Variants in ZBTB41 observed in about 807,000 individuals in gnomAD.
The protein encoded by ZBTB41 is zinc finger and BTB domain containing 41, also known as zinc finger and BTB domain-containing protein 41.
In ZBTB41, 42 loss-of-function variants were observed where a neutral mutation model predicts 87.6. The ratio of observed to expected loss-of-function variants is 0.48; its 90% confidence interval spans 0.37 to 0.62. The LOEUF (loss-of-function observed/expected upper bound fraction) is 0.62. Ranked by LOEUF, ZBTB41 falls within the 20% of genes least tolerant of loss-of-function variation. The pLI is 0.00. For synonymous variants in ZBTB41, 364 were observed against 364.0 expected, an observed-to-expected ratio of 1.00 and a Z score of 0.00; for missense variants, 799 against 1,078.9, an observed-to-expected ratio of 0.74 and a Z score of 3.63.
Position 197,200,334 on chromosome 1 carries a change from G to C in ZBTB41, c.140C>G (p.Ala47Gly). 3 of 1,614,190 alleles carry C rather than the reference G, an allele frequency of 1.9e-6. No homozygotes were observed. Among genetic ancestry groups the C allele is most frequent in the Non-Finnish European group, 2.5e-6 (3 of 1,180,024 alleles). Residue 47 changes from alanine (A) to glycine (G), a missense_variant, in exon 2 of 11, where the codon GCT (alanine) becomes GGT (glycine). Around this residue, in one of 5 missense-constraint regions of ZBTB41, gnomAD observed 77 missense variants for 68.4 expected, o/e 1.13. Coordinates refer to ENST00000367405, the MANE Select transcript of ZBTB41 (RefSeq NM_194314.3). ...THSAGRPTPEALHCYQELPPS... is the reference protein window; with the variant it reads ...THSAGRPTPEGLHCYQELPPS... ...AGGAAGTTCCTGGTAACAGTGAAGA[G>C]CTTCAGGAGTTGGTCTTCCTGCAGA...
intron 5 of ZBTB41, among the ~76,000 whole-genome samples, chr1:197,185,590 A>C (rs1386939675): frequency 6.6e-6 from 1 of 151,170 alleles, no homozygotes; most frequent in Non-Finnish European, 1.5e-5. Flanking sequence ...CACATTTGTC[A>C]CCAAAAAAAA....
chr1:197,168,781 G>T (rs1659409070), intron 10 of ZBTB41, among the ~76,000 whole-genome samples: 1 of 152,016 alleles, frequency 6.6e-6, no homozygotes, highest in African/African-American at 2.4e-5. Flanking sequence ...CAAAACCTTT[G>T]TTCATCAAAA....
At chr1:197,188,226 G>T (rs901629209) in intron 5 of ZBTB41, 66 bp downstream of exon 5, 3 of 1,550,424 alleles carry the variant, frequency 1.9e-6, no homozygotes, top group South Asian at 1.2e-5. Context: ...GCTATAGAAG[G>T]CTCCTCCAGC....
At chr1:197,174,227 A>C (rs563150701) in intron 9 of ZBTB41, among the ~76,000 whole-genome samples, 139 of 152,242 alleles carry the variant, frequency 9.1e-4, no homozygotes, top group Non-Finnish European at 1.5e-3. Flanking sequence ...CAGAGATGTC[A>C]GTAAAAAAAG....
intron 10 of ZBTB41, among the ~76,000 whole-genome samples, chr1:197,161,904 G>C (rs1252218083): frequency 6.6e-6 from 1 of 151,764 alleles, no homozygotes; most frequent in African/African-American, 2.4e-5. Context: ...AAGAAGCACA[G>C]AGTCTACTTT....
rs952481519 is a variant in ZBTB41, at chr1:197,161,127, C to CT, written c.2075-1114dup. Among the ~76,000 whole-genome samples, 5 of 152,202 alleles carry CT rather than the reference C, an allele frequency of 3.3e-5. No homozygotes were observed. The South Asian group carries it at 6.2e-4, about 19-fold the overall frequency. ...ATAGCCCCTGGAAAGAAATACAGCT[C>CT]TACCAAACACTTAGATTTCAGCTTG... On this transcript the variant is annotated intron_variant, in intron 10 of 10. Coordinates refer to ENST00000367405, the MANE Select transcript of ZBTB41 (RefSeq NM_194314.3).
At position 197,176,599 on chromosome 1, in the gene ZBTB41, T is replaced by C. The variant is rs755489828; in HGVS notation, c.1844A>G (p.His615Arg). The C allele has an allele frequency of 6.2e-7, 1 of 1,612,294 alleles. No individual in the cohort carries two copies. The highest frequency in any genetic ancestry group is 8.5e-7 in the Non-Finnish European group (1 of 1,179,116). Residue 615 changes from histidine (H) to arginine (R), a missense_variant, in exon 8 of 11, where the codon CAT becomes CGT. Physicochemically the swap from His to Arg is conservative, Grantham distance 29. This residue lies in a region of ZBTB41 where 198 missense variants were observed against 358.4 expected (regional missense o/e 0.55). Coordinates refer to ENST00000367405, the MANE Select transcript of ZBTB41 (RefSeq NM_194314.3). Reference sequence around the variant, plus strand: ...TTTTTTGTGCTTTGTAAGGTGATCATGACGGATAAATGTTTTTCCACATTC... The same window carrying C: ...TTTTTTGTGCTTTGTAAGGTGATCACGACGGATAAATGTTTTTCCACATTC... ...CDECGKTFIR[H>R]DHLTKHKKIH...
At position 197,199,955 on chromosome 1, in the gene ZBTB41, C is replaced by T; in HGVS notation, c.519G>A (p.Leu173=). 1 of 1,613,308 alleles carries T rather than the reference C, an allele frequency of 6.2e-7. No individual in the cohort carries two copies. Among genetic ancestry groups the T allele is most frequent in the South Asian group, 1.1e-5 (1 of 90,944 alleles). ...KFLDIIDAVK[L]LNNENVAPFH... ...AAGGGGCAACATTTTCGTTATTTAA[C>T]AACTTCACTGCATCTATAATGTCCA... The change falls in exon 2 of 11, where the codon TTG becomes TTA. Residue 173 remains leucine, a synonymous_variant. Transcript: ENST00000367405.
In ZBTB41 at chr1:197,159,120, G is replaced by T; in HGVS notation, c.*239C>A. 1 of 429,648 alleles carries T rather than the reference G, an allele frequency of 2.3e-6. No individual in the cohort carries two copies. The highest frequency in any genetic ancestry group is 4.0e-5 in the Admixed American group (1 of 24,766). 26.6% of individuals were successfully genotyped at this position (429,648 alleles called of 1,614,324 possible). A position where few individuals can be genotyped will look rare whatever the true frequency, so the allele number is the denominator to read the frequency against. Reference sequence around the variant, plus strand: ...CAAAAAATTTAAGAAACCATTAAAAGTTAGCACTAAATAATCTTTAAAAAT... The same window carrying T: ...CAAAAAATTTAAGAAACCATTAAAATTTAGCACTAAATAATCTTTAAAAAT... On this transcript the variant is annotated 3_prime_UTR_variant, in exon 11 of 11. Transcript: ENST00000367405.
intron 5 of ZBTB41, among the ~76,000 whole-genome samples, chr1:197,182,555 G>A (rs536164110): frequency 1.2e-4 from 18 of 152,162 alleles, no homozygotes; most frequent in Admixed American, 9.2e-4. Flanking sequence ...GATTACAGAC[G>A]TGAGTCACCA....
At chr1:197,163,252 T>G (rs994429392) in intron 10 of ZBTB41, among the ~76,000 whole-genome samples, 7 of 152,170 alleles carry the variant, frequency 4.6e-5, no homozygotes, top group African/African-American at 1.7e-4. Context: ...TTCAAGGGCT[T>G]CTGTAATTTT....
intron 10 of ZBTB41, among the ~76,000 whole-genome samples, chr1:197,161,612 G>GAAAT (rs112404757): frequency 6.6e-6 from 1 of 151,500 alleles, no homozygotes; most frequent in Non-Finnish European, 1.5e-5. Context: ...AGTGAGACAT[G>GAAAT]AATACATTAT....
At chr1:197,179,491 T>A (rs981852023) in intron 6 of ZBTB41, among the ~76,000 whole-genome samples, 1 of 152,036 alleles carries the variant, frequency 6.6e-6, no homozygotes, top group Non-Finnish European at 1.5e-5. Flanking sequence ...ATACTTTTTA[T>A]CATGATTTAG....
chr1:197,196,674 T>C (rs935993011), intron 2 of ZBTB41, among the ~76,000 whole-genome samples: 2 of 152,208 alleles, frequency 1.3e-5, no homozygotes, highest in East Asian at 1.9e-4. Context: ...GTCCAAAGTA[T>C]ACACCTCTGT....
At position 197,155,631 on chromosome 1, in the gene ZBTB41, C is replaced by G. The variant is rs1320686695; in HGVS notation, c.*3728G>C. On this transcript the variant is annotated 3_prime_UTR_variant, in exon 11 of 11. Transcript: ENST00000367405. ...GTTTGCAATTATATTGAAAAGCAAC[C>G]AATGATAATTACTTATTAACCCTTA... The G allele has an allele frequency of 1.3e-5, 2 of 152,230 alleles. No individual in the cohort carries two copies. Among genetic ancestry groups the G allele is most frequent in the Non-Finnish European group, 2.9e-5 (2 of 67,798 alleles). The allele number at this position is 152,230 out of a possible 1,614,324, so 9.4% of individuals were successfully genotyped here. A position where few individuals can be genotyped will look rare whatever the true frequency, so the allele number is the denominator to read the frequency against.
chr1:197,199,738 T>C lies in ZBTB41; in HGVS notation c.736A>G (p.Arg246Gly), dbSNP rs1052637464. ...GKKHGLKMLERSFSARRSKRN... is the reference protein window; with the variant it reads ...GKKHGLKMLEGSFSARRSKRN... ...TTTGATCTTCTTGCGGAGAAACTTCTCTCCAGCATTTTTAACCCATGTTTT... is the reference window on the plus strand; with the variant it reads ...TTTGATCTTCTTGCGGAGAAACTTCCCTCCAGCATTTTTAACCCATGTTTT... Residue 246 changes from arginine (R) to glycine (G), a missense_variant, in exon 2 of 11, where the codon AGA becomes GGA. This residue lies in a region of ZBTB41 where 294 missense variants were observed against 340.1 expected (regional missense o/e 0.86). Coordinates refer to ENST00000367405, the MANE Select transcript of ZBTB41 (RefSeq NM_194314.3). 6.2e-7 allele frequency: 1 copy of C among 1,613,434 alleles called. No homozygotes were observed. The highest frequency in any genetic ancestry group is 8.5e-7 in the Non-Finnish European group (1 of 1,179,888).
intron 9 of ZBTB41, among the ~76,000 whole-genome samples, chr1:197,172,964 A>G (rs1310341415): frequency 1.3e-5 from 2 of 152,174 alleles, no homozygotes. Context: ...ATAGACAGAA[A>G]TAAAGCAATA....
At chr1:197,161,112 G>A (rs1188732457) in intron 10 of ZBTB41, among the ~76,000 whole-genome samples, 1 of 152,060 alleles carries the variant, frequency 6.6e-6, no homozygotes, top group East Asian at 1.9e-4. Context: ...ATAGCCCCTG[G>A]AAAGAAATAC....
chr1:197,170,406 T>C (rs1236683721), intron 10 of ZBTB41, among the ~76,000 whole-genome samples: 3 of 152,004 alleles, frequency 2.0e-5, no homozygotes, highest in Non-Finnish European at 4.4e-5. Context: ...TTGGCAATTT[T>C]CCTTCTGATT....
Sources: gnomAD v4.1 joint callset for allele counts (sites outside exome capture counted in the v4.1 genomes callset) on GRCh38, gnomAD v4.1.1 for gene constraint, gnomAD v4.1.1 regional missense constraint, MANE v1.5 for transcripts, NCBI Gene and HGNC (gene_info 2026-07-23, HGNC 2026-07-21) for gene names.